The following GALNT17 variants were observed in gnomAD, a reference collection of about 807,000 sequenced individuals.
GALNT17 encodes polypeptide N-acetylgalactosaminyltransferase 17, also known as UDP-GalNAc:polypeptide N-acetylgalactosaminyltransferase-like 3.
GALNT17 carries 29 observed loss-of-function variants against 63.7 expected under a neutral mutation model. That is an observed-to-expected ratio of 0.46 (90% CI 0.34 to 0.62). The LOEUF is 0.62. Ranked by LOEUF, GALNT17 falls within the 20% of genes least tolerant of loss-of-function variation. The pLI is 0.01. For missense variants in GALNT17, 603 were observed against 799.6 expected, an observed-to-expected ratio of 0.75 and a Z score of 2.97; for synonymous variants, 305 against 318.3, an observed-to-expected ratio of 0.96 and a Z score of 0.45.
chr7:71,494,539 T>G (rs1788061755), intron 5 of GALNT17, among the ~76,000 whole-genome samples: 1 of 152,076 alleles, frequency 6.6e-6, no homozygotes. Flanking sequence ...TTGTTTGTTT[T>G]GTAGAAATGG....
chr7:71,148,860 T>TATATATATATATATATATATATATA (rs1554333242), intron 1 of GALNT17, among the ~76,000 whole-genome samples: 14 of 103,244 alleles, frequency 1.4e-4, no homozygotes, highest in Non-Finnish European at 2.1e-4. Flanking sequence ...TATGGTATTT[T>TATATATATATATATATATATATATA]TATATATATA....
At chr7:71,576,570 G>GTGT (rs1789541644) in intron 6 of GALNT17, among the ~76,000 whole-genome samples, 14 of 93,766 alleles carry the variant, frequency 1.5e-4, no homozygotes, top group South Asian at 3.9e-4. Flanking sequence ...TGTGTGTTTT[G>GTGT]TTTGTTTGTT....
intron 1 of GALNT17, among the ~76,000 whole-genome samples, chr7:71,224,446 C>T (rs1403412442): frequency 6.6e-6 from 1 of 152,182 alleles, no homozygotes; most frequent in Non-Finnish European, 1.5e-5. Flanking sequence ...AACAAATCAT[C>T]TCTGCAGTGG....
chr7:71,246,647 G>A (rs769704618), intron 1 of GALNT17, among the ~76,000 whole-genome samples: 15 of 151,622 alleles, frequency 9.9e-5, no homozygotes, highest in Admixed American at 3.9e-4. Flanking sequence ...TGGCTAACAC[G>A]GTGAAACCCC....
At chr7:71,504,679 A>G (rs1788237669) in intron 5 of GALNT17, among the ~76,000 whole-genome samples, 1 of 152,006 alleles carries the variant, frequency 6.6e-6, no homozygotes, top group Non-Finnish European at 1.5e-5. Context: ...ACTTATTTAC[A>G]TATTTTACTT....
At chr7:71,600,930 A>G (rs1789958118) in intron 6 of GALNT17, among the ~76,000 whole-genome samples, 1 of 151,846 alleles carries the variant, frequency 6.6e-6, no homozygotes, top group Non-Finnish European at 1.5e-5. Flanking sequence ...TCTTCCCCCC[A>G]AGTCCCCAAA....
At chr7:71,683,294 C>T (rs1057439549) in intron 9 of GALNT17, among the ~76,000 whole-genome samples, 15 of 152,088 alleles carry the variant, frequency 9.9e-5, no homozygotes, top group Non-Finnish European at 2.2e-4. Flanking sequence ...GGTCCCTCTA[C>T]TCACTCATCA....
chr7:71,345,147 G>GTTTTTT (rs67919212), intron 2 of GALNT17, among the ~76,000 whole-genome samples: 4 of 139,452 alleles, frequency 2.9e-5, no homozygotes, highest in Non-Finnish European at 4.7e-5. Context: ...GTTGTTTTTT[G>GTTTTTT]TTTTTTTTTT....
intron 1 of GALNT17, among the ~76,000 whole-genome samples, chr7:71,321,900 TTC>T (rs1791616273): frequency 2.0e-5 from 2 of 98,752 alleles, no homozygotes; most frequent in African/African-American, 4.0e-5. Flanking sequence ...CCTTCCTTCC[TTC>T]CTTCCTTCCT....
chr7:71,421,904 C>A (rs1287502058), intron 5 of GALNT17, among the ~76,000 whole-genome samples: 1 of 146,940 alleles, frequency 6.8e-6, no homozygotes, highest in Admixed American at 6.9e-5. Flanking sequence ...GAGCTGAGAT[C>A]ATGCCATTGC....
intron 3 of GALNT17, among the ~76,000 whole-genome samples, chr7:71,408,902 GTGTATGTA>G (rs948416456): frequency 5.7e-4 from 84 of 146,976 alleles, no homozygotes; most frequent in Non-Finnish European, 9.7e-4. Flanking sequence ...GTGTGTGTGT[GTGTATGTA>G]TGTATGTATG....
intron 6 of GALNT17, among the ~76,000 whole-genome samples, chr7:71,576,452 GC>G (rs1415345643): frequency 6.6e-6 from 1 of 151,934 alleles, no homozygotes; most frequent in Non-Finnish European, 1.5e-5. Flanking sequence ...AGTGGCTGAA[GC>G]AATTTACATT....
At chr7:71,688,633 G>T (rs1229273701) in intron 9 of GALNT17, among the ~76,000 whole-genome samples, 1 of 152,130 alleles carries the variant, frequency 6.6e-6, no homozygotes, top group African/African-American at 2.4e-5. Flanking sequence ...CTAAGTTTAT[G>T]AAATATTCCA....
intron 1 of GALNT17, among the ~76,000 whole-genome samples, chr7:71,190,908 C>T (rs539065581): frequency 2.5e-4 from 38 of 152,284 alleles, no homozygotes; most frequent in African/African-American, 8.4e-4. Flanking sequence ...TGGGATTTTA[C>T]AGGCATGAGC....
intron 6 of GALNT17, among the ~76,000 whole-genome samples, chr7:71,592,231 C>A (rs1789813066): frequency 6.6e-6 from 1 of 152,100 alleles, no homozygotes; most frequent in African/African-American, 2.4e-5. Flanking sequence ...AATGATGGAC[C>A]AGGCCAAGCG....
chr7:71,687,352 T>C (rs1481795710), intron 9 of GALNT17, among the ~76,000 whole-genome samples: 1 of 152,206 alleles, frequency 6.6e-6, no homozygotes, highest in East Asian at 1.9e-4. Context: ...AAGGCACCCG[T>C]GCCCTGCTGG....
chr7:71,208,834 T>C (rs1040512498), intron 1 of GALNT17, among the ~76,000 whole-genome samples: 1 of 152,222 alleles, frequency 6.6e-6, no homozygotes, highest in Non-Finnish European at 1.5e-5. Flanking sequence ...TGATATGATA[T>C]GGGCTTCCAG....
chr7:71,467,901 T>C (rs1197779281), intron 5 of GALNT17, among the ~76,000 whole-genome samples: 5 of 152,166 alleles, frequency 3.3e-5, no homozygotes, highest in African/African-American at 9.7e-5. Flanking sequence ...AGTGTCTCCA[T>C]AGACTGCCAA....
chr7:71,261,116 G>A (rs924187826), intron 1 of GALNT17, among the ~76,000 whole-genome samples: 1 of 152,292 alleles, frequency 6.6e-6, no homozygotes, highest in Middle Eastern at 3.4e-3. Context: ...TACTCCGATG[G>A]ATTATATCAG....
Sources: allele counts gnomAD v4.1 joint callset (sites outside exome capture counted in the v4.1 genomes callset), GRCh38; gene constraint gnomAD v4.1.1; transcripts MANE v1.5; gene names NCBI Gene and HGNC (gene_info 2026-07-23, HGNC 2026-07-21).